Variants in CDK14 observed in about 807,000 individuals in gnomAD.
CDK14 encodes the protein cyclin-dependent kinase 14.
A neutral mutation model predicts 60.7 loss-of-function variants in CDK14; 34 were observed. The observed-to-expected ratio is 0.56, with a 90% CI of 0.43 to 0.75. The LOEUF is 0.75. Ranked by LOEUF, CDK14 falls within the 30% of genes least tolerant of loss-of-function variation. CDK14 has a pLI of 0.00. For synonymous variants in CDK14, 197 were observed against 203.7 expected, an observed-to-expected ratio of 0.97 and a Z score of 0.28; for missense variants, 482 against 564.1, an observed-to-expected ratio of 0.85 and a Z score of 1.47.
chr7:90,726,814 T>G lies in CDK14; in HGVS notation c.369+2T>G, dbSNP rs1344808496. ...AGGCGGCACTCCAGCCCCAGCTCGGTAAGTGCAGTCTTTTTGTTTATCACT... is the reference window on the plus strand; with the variant it reads ...AGGCGGCACTCCAGCCCCAGCTCGGGAAGTGCAGTCTTTTTGTTTATCACT... On this transcript the variant is annotated splice_donor_variant, in intron 3 of 14. Coordinates refer to ENST00000380050, the MANE Select transcript of CDK14 (RefSeq NM_001287135.2). LOFTEE classifies it high-confidence loss of function. 6.2e-7 allele frequency: 1 copy of G among 1,613,274 alleles called. No individual in the cohort carries two copies. Among genetic ancestry groups the G allele is most frequent in the Non-Finnish European group, 8.5e-7 (1 of 1,179,652 alleles).
intron 5 of CDK14, among the ~76,000 whole-genome samples, chr7:90,815,551 G>T (rs1331098258): frequency 4.6e-5 from 7 of 152,152 alleles, no homozygotes; most frequent in Admixed American, 2.6e-4. Context: ...ATTTGACCCA[G>T]CAGTCCCATT....
chr7:90,760,119 A>G (rs927498432), intron 4 of CDK14, among the ~76,000 whole-genome samples: 1 of 152,048 alleles, frequency 6.6e-6, no homozygotes, highest in Non-Finnish European at 1.5e-5. Context: ...GAATTAAACG[A>G]CCTTATAAAT....
intron 10 of CDK14, among the ~76,000 whole-genome samples, chr7:91,012,440 T>G (rs1428449363): frequency 1.3e-5 from 2 of 152,196 alleles, no homozygotes; most frequent in African/African-American, 4.8e-5. Flanking sequence ...TTCTCCTCTT[T>G]GATCCTCTGC....
intron 3 of CDK14, among the ~76,000 whole-genome samples, chr7:90,733,450 G>A (rs974429821): frequency 1.3e-5 from 2 of 152,162 alleles, no homozygotes; most frequent in South Asian, 4.1e-4. Context: ...TTGTTTGGGA[G>A]TCTAAGTCTC....
intron 3 of CDK14, among the ~76,000 whole-genome samples, chr7:90,745,829 T>G (rs1280402568): frequency 6.6e-6 from 1 of 152,260 alleles, no homozygotes; most frequent in Non-Finnish European, 1.5e-5. Context: ...AAATGATTTG[T>G]GATTTTTGGT....
At chr7:90,950,683 A>G (rs1794231650) in intron 8 of CDK14, among the ~76,000 whole-genome samples, 1 of 152,178 alleles carries the variant, frequency 6.6e-6, no homozygotes, top group South Asian at 2.1e-4. Context: ...AGAAATGTTC[A>G]ATTGAGATAC....
chr7:90,830,147 C>A (rs1004221362), intron 5 of CDK14, among the ~76,000 whole-genome samples: 4 of 152,154 alleles, frequency 2.6e-5, no homozygotes, highest in Non-Finnish European at 4.4e-5. Flanking sequence ...GCCTCTGCAT[C>A]GCCCTAGTAG....
At chr7:90,936,400 C>G (rs1038631141) in intron 8 of CDK14, among the ~76,000 whole-genome samples, 4 of 152,122 alleles carry the variant, frequency 2.6e-5, no homozygotes, top group African/African-American at 2.4e-5. Flanking sequence ...ACATCATATT[C>G]TAACATGAAT....
Position 91,046,112 on chromosome 7 carries a change from T to G in CDK14, c.1105+152T>G, listed in dbSNP as rs1272150878. ...CTATTAATGGAATTGTCCTTTTATT[T>G]TCACAAATTATTTGTCTGTGAAGAC... is the stretch of plus-strand genomic sequence containing the variant. On this transcript the variant is annotated intron_variant, in intron 11 of 14. Transcript: ENST00000380050. The G allele has an allele frequency of 1.7e-5, 10 of 597,912 alleles. No individual in the cohort carries two copies. The East Asian group carries it at 2.8e-4, about 17-fold the overall frequency. The allele number at this position is 597,912 out of a possible 1,614,324, so 37.0% of individuals were successfully genotyped here.
chr7:90,847,325 T>A lies in CDK14; in HGVS notation c.545-15850T>A, dbSNP rs11978698. On this transcript the variant is annotated intron_variant, in intron 5 of 14. Transcript: ENST00000380050. Reference sequence around the variant, plus strand: ...TAGCTGAATAAATCAATAAATACTTTGTTAAATAAGTACCTGCCTTAGAAG... The same window carrying A: ...TAGCTGAATAAATCAATAAATACTTAGTTAAATAAGTACCTGCCTTAGAAG... 8.3e-3 allele frequency among the ~76,000 whole-genome samples: 1,264 copies of A among 152,294 alleles called. 11 individuals carry two copies. Among genetic ancestry groups the A allele is most frequent in the African/African-American group, 0.028 (1,161 of 41,556 alleles).
intron 2 of CDK14, among the ~76,000 whole-genome samples, chr7:90,690,807 G>A (rs2116585256): frequency 6.6e-6 from 1 of 152,194 alleles, no homozygotes; most frequent in Non-Finnish European, 1.5e-5. Flanking sequence ...CCCCATGGTT[G>A]TAATAAAATA....
chr7:90,988,870 G>C (rs1795450404), intron 10 of CDK14, among the ~76,000 whole-genome samples: 1 of 151,940 alleles, frequency 6.6e-6, no homozygotes, highest in Non-Finnish European at 1.5e-5. Context: ...TTGTCTCCTG[G>C]GTCTCCTGGC....
At chr7:90,725,295 TG>T (rs1370375682) in intron 2 of CDK14, among the ~76,000 whole-genome samples, 1 of 152,164 alleles carries the variant, frequency 6.6e-6, no homozygotes, top group Non-Finnish European at 1.5e-5. Context: ...AATAGTTTGG[TG>T]GTGTGTTTTC....
intron 2 of CDK14, among the ~76,000 whole-genome samples, chr7:90,642,687 G>T (rs1490285961): frequency 6.6e-6 from 1 of 152,062 alleles, no homozygotes; most frequent in Non-Finnish European, 1.5e-5. Context: ...GCATGAATTG[G>T]GATTGCTGAG....
chr7:90,764,563 A>G (rs1224108811), intron 4 of CDK14, among the ~76,000 whole-genome samples: 2 of 152,216 alleles, frequency 1.3e-5, no homozygotes, highest in Admixed American at 6.5e-5. Flanking sequence ...TGCAATTTGC[A>G]TAGAGTAATT....
At chr7:90,795,353 A>G (rs1788376965) in intron 5 of CDK14, among the ~76,000 whole-genome samples, 1 of 151,262 alleles carries the variant, frequency 6.6e-6, no homozygotes, top group African/African-American at 2.4e-5. Flanking sequence ...TGTGAGCACC[A>G]CTCTTCAGTG....
intron 10 of CDK14, among the ~76,000 whole-genome samples, chr7:90,987,413 T>C (rs1795403502): frequency 6.6e-6 from 1 of 152,064 alleles, no homozygotes; most frequent in Non-Finnish European, 1.5e-5. Flanking sequence ...ATTTTACATG[T>C]CTAATGCCTC....
Position 90,764,284 on chromosome 7 carries a change from A to G in CDK14, c.464+16509A>G, listed in dbSNP as rs773083700. ...AATCAATCTAAAATTCAAATGACCT[A>G]CTCAGGTGCCTTACTACTCGTAACA... On this transcript the variant is annotated intron_variant, in intron 4 of 14. Transcript: ENST00000380050. 4.5e-4 allele frequency among the ~76,000 whole-genome samples: 69 copies of G among 152,094 alleles called. 1 individual carries two copies. The highest frequency in any genetic ancestry group is 8.8e-5 in the Non-Finnish European group (6 of 68,040).
intron 2 of CDK14, among the ~76,000 whole-genome samples, chr7:90,701,495 C>G (rs1398937650): frequency 6.6e-6 from 1 of 152,042 alleles, no homozygotes; most frequent in Admixed American, 6.5e-5. Flanking sequence ...TTGTAAAAAC[C>G]TTGACTGCTA....
Sources: gnomAD v4.1 joint callset for allele counts (sites outside exome capture counted in the v4.1 genomes callset) on GRCh38, gnomAD v4.1.1 for gene constraint, MANE v1.5 for transcripts, NCBI Gene and HGNC (gene_info 2026-07-23, HGNC 2026-07-21) for gene names.